The following SLC38A9 variants were observed in gnomAD, a reference collection of about 807,000 sequenced individuals.
SLC38A9 encodes the protein neutral amino acid transporter 9.
A neutral mutation model predicts 62.3 loss-of-function variants in SLC38A9; 48 were observed. The ratio of observed to expected loss-of-function variants is 0.77; its 90% CI spans 0.61 to 0.98. The LOEUF (loss-of-function observed/expected upper bound fraction) is 0.98, where lower values mean the gene tolerates loss of function less well. Among genes scored for constraint, SLC38A9 ranks in the 50% least tolerant of loss-of-function variants. The probability of loss-of-function intolerance (pLI) is 0.00; values close to 1 mark genes in which losing one functional copy is unlikely to be tolerated. For missense variants in SLC38A9, 541 were observed against 679.8 expected (o/e 0.80, Z 2.27); for synonymous variants, 204 against 227.7 (o/e 0.90, Z 0.94).
At chr5:55,671,710 T>A (rs1202405344) in intron 4 of SLC38A9, among the ~76,000 whole-genome samples, 1 of 151,930 alleles carries the variant, frequency 6.6e-6, no homozygotes, top group African/African-American at 2.4e-5. Context: ...GAGCCAGGTG[T>A]GGTGGCGCAC....
At chr5:55,656,834 C>G (rs1748526445) in intron 8 of SLC38A9, 60 bp from the exon 9 acceptor site, 1 of 781,968 alleles carries the variant, frequency 1.3e-6, no homozygotes, top group South Asian at 2.0e-5. Flanking sequence ...ATCTATTACC[C>G]TTTAAGGTCT....
chr5:55,705,054 C>T (rs1159210822), intron 2 of SLC38A9, among the ~76,000 whole-genome samples: 2 of 151,980 alleles, frequency 1.3e-5, no homozygotes, highest in Non-Finnish European at 2.9e-5. Flanking sequence ...GAAGGACATA[C>T]AAGAAGAAAC....
intron 3 of SLC38A9, among the ~76,000 whole-genome samples, chr5:55,693,756 G>A (rs966146427): frequency 6.6e-6 from 1 of 151,966 alleles, no homozygotes; most frequent in Non-Finnish European, 1.5e-5. Flanking sequence ...TCATAATCTA[G>A]AACACTTTTT....
rs147967562 is a variant in SLC38A9 at position 55,676,741 on chromosome 5, C to T, written c.114-4046G>A. 6.3e-3 allele frequency among the ~76,000 whole-genome samples: 954 copies of T among 152,102 alleles called. 10 individuals are homozygous for T. Among genetic ancestry groups the T allele is most frequent in the African/African-American group, 0.022 (924 of 41,482 alleles). On this transcript the variant is annotated intron_variant, in intron 3 of 15. Coordinates refer to ENST00000396865, the MANE Select transcript of SLC38A9 (RefSeq NM_173514.4). Reference sequence around the variant, plus strand: ...ACACATAGGTGTCAATAGTATGCTACGTAGGTACACAGCAGATATTAAAAA... The same window carrying T: ...ACACATAGGTGTCAATAGTATGCTATGTAGGTACACAGCAGATATTAAAAA...
intron 3 of SLC38A9, chr5:55,691,202 T>C (rs1754690599): frequency 1.1e-6 from 1 of 920,058 alleles, no homozygotes; most frequent in Non-Finnish European, 1.7e-6. Flanking sequence ...ATTCTCCATG[T>C]TAAAATGCAA....
chr5:55,683,250 T>C (rs1427291690), intron 3 of SLC38A9, among the ~76,000 whole-genome samples: 1 of 152,186 alleles, frequency 6.6e-6, no homozygotes, highest in Non-Finnish European at 1.5e-5. Context: ...CTCATGATGT[T>C]GTCCAGGTTG....
chr5:55,694,901 C>T (rs200470459), intron 3 of SLC38A9, among the ~76,000 whole-genome samples: 1 of 152,010 alleles, frequency 6.6e-6, no homozygotes, highest in African/African-American at 2.4e-5. Flanking sequence ...TACAGGTGTG[C>T]GCCACCACGC....
At chr5:55,710,094 A>AG (rs2150753351) in intron 2 of SLC38A9, among the ~76,000 whole-genome samples, 1 of 150,662 alleles carries the variant, frequency 6.6e-6, no homozygotes, top group South Asian at 2.1e-4. Context: ...AAGAAAAAAA[A>AG]AAGAAAAAGA....
chr5:55,657,262 T>C (rs1402997598), intron 8 of SLC38A9, among the ~76,000 whole-genome samples: 1 of 152,194 alleles, frequency 6.6e-6, no homozygotes, highest in East Asian at 1.9e-4. Context: ...AATGTTAGTG[T>C]CTTCACAGTT....
chr5:55,661,455 A>G (rs1287111454), intron 8 of SLC38A9, among the ~76,000 whole-genome samples: 1 of 150,808 alleles, frequency 6.6e-6, no homozygotes, highest in East Asian at 1.9e-4. Context: ...AAAAAAAAAA[A>G]AAAAAAAAAA....
intron 4 of SLC38A9, 95 bp from the exon 5 acceptor site, chr5:55,669,974 T>C: frequency 8.1e-7 from 1 of 1,236,468 alleles, no homozygotes; most frequent in Non-Finnish European, 1.1e-6. Flanking sequence ...GACACCTTTT[T>C]TTTTCTTTTG....
intron 3 of SLC38A9, among the ~76,000 whole-genome samples, 172 bp downstream of exon 3, chr5:55,697,674 A>AT (rs1491496429): frequency 5.5e-4 from 76 of 137,478 alleles, no homozygotes; most frequent in African/African-American, 1.4e-3. Context: ...AAAAAAAAAA[A>AT]ATATAAACCA....
chr5:55,631,685 A>G (rs1053987965), intron 14 of SLC38A9, among the ~76,000 whole-genome samples: 1 of 152,238 alleles, frequency 6.6e-6, no homozygotes, highest in Non-Finnish European at 1.5e-5. Flanking sequence ...TATGGCAAAA[A>G]TTATTTATCG....
At chr5:55,659,539 C>G (rs1214009888) in intron 8 of SLC38A9, among the ~76,000 whole-genome samples, 1 of 151,746 alleles carries the variant, frequency 6.6e-6, no homozygotes, top group Non-Finnish European at 1.5e-5. Context: ...AGGTGCCCAC[C>G]ACCACGCCTG....
chr5:55,672,720 A>G (rs759080573), intron 3 of SLC38A9, 25 bp from the exon 4 acceptor site: 3 of 1,593,352 alleles, frequency 1.9e-6, no homozygotes, highest in South Asian at 1.1e-5. Flanking sequence ...TACACTTGAC[A>G]AAAAGTGTTC....
chr5:55,706,510 G>C (rs1276571326), intron 2 of SLC38A9, among the ~76,000 whole-genome samples: 1 of 152,118 alleles, frequency 6.6e-6, no homozygotes, highest in Non-Finnish European at 1.5e-5. Flanking sequence ...AAAATGTAAG[G>C]GCCACTGAGG....
chr5:55,661,026 T>C (rs1405264466), intron 8 of SLC38A9, among the ~76,000 whole-genome samples: 1 of 126,474 alleles, frequency 7.9e-6, no homozygotes, highest in Non-Finnish European at 1.8e-5. Context: ...GAAAAAATGT[T>C]AAGATCCCGA....
chr5:55,661,372 C>T (rs35551525), intron 8 of SLC38A9, among the ~76,000 whole-genome samples: 88,957 of 146,656 alleles, frequency 0.61, 27,186 homozygotes, highest in South Asian at 0.7. Flanking sequence ...GTGAACCCAG[C>T]AGGCGGAGCT....
At chr5:55,689,677 G>T (rs1754456250) in intron 3 of SLC38A9, among the ~76,000 whole-genome samples, 1 of 152,172 alleles carries the variant, frequency 6.6e-6, no homozygotes, top group African/African-American at 2.4e-5. Flanking sequence ...GCCCTAACGA[G>T]TACCAGTCAA....
Sources: allele counts gnomAD v4.1 joint callset (sites outside exome capture counted in the v4.1 genomes callset), GRCh38; gene constraint gnomAD v4.1.1; transcripts MANE v1.5; gene names NCBI Gene and HGNC (gene_info 2026-07-23, HGNC 2026-07-21).